RBFOX1: variants seen among roughly 807,000 people sequenced by gnomAD.
RBFOX1 encodes the protein RNA binding fox-1 homolog 1.
A neutral mutation model predicts 57.7 loss-of-function variants in RBFOX1; 8 were observed. The ratio of observed to expected loss-of-function variants is 0.14; its 90% confidence interval spans 0.08 to 0.25. The LOEUF (loss-of-function observed/expected upper bound fraction) is 0.25. RBFOX1 is among the 10% of genes least tolerant of loss of function. The pLI, the probability that RBFOX1 is intolerant of heterozygous loss-of-function variation, is 1.00. For synonymous variants in RBFOX1, 326 were observed against 222.4 expected (o/e 1.47, Z -4.15); for missense variants, 611 against 548.5 (o/e 1.11, Z -1.14).
intron 1 of RBFOX1, among the ~76,000 whole-genome samples, chr16:5,440,455 T>C (rs1279651390): frequency 6.6e-6 from 1 of 152,242 alleles, no homozygotes; most frequent in Non-Finnish European, 1.5e-5. Flanking sequence ...TGTTTTAGCC[T>C]CAGCCCAAAA....
At chr16:7,048,782 T>C (rs949823900) in intron 3 of RBFOX1, among the ~76,000 whole-genome samples, 5 of 152,196 alleles carry the variant, frequency 3.3e-5, no homozygotes, top group African/African-American at 1.2e-4. Context: ...GCTAAGTCAT[T>C]TTGGTTTGTA....
intron 2 of RBFOX1, among the ~76,000 whole-genome samples, chr16:6,643,850 G>T (rs1484533673): frequency 6.6e-6 from 1 of 151,880 alleles, no homozygotes; most frequent in Non-Finnish European, 1.5e-5. Flanking sequence ...ATAAGGCTGA[G>T]CACGCTGGGT....
chr16:5,518,910 G>C (rs2043903776), intron 2 of RBFOX1, among the ~76,000 whole-genome samples: 1 of 152,122 alleles, frequency 6.6e-6, no homozygotes, highest in African/African-American at 2.4e-5. Flanking sequence ...TAACCCCTGG[G>C]GGCATCAGAA....
At chr16:5,950,669 G>A (rs2059501260) in intron 4 of RBFOX1, among the ~76,000 whole-genome samples, 1 of 152,206 alleles carries the variant, frequency 6.6e-6, no homozygotes, top group Non-Finnish European at 1.5e-5. Context: ...ACCTGGCCAA[G>A]CTCTTCTTCC....
intron 11 of RBFOX1, among the ~76,000 whole-genome samples, chr16:7,644,029 T>G (rs377674918): frequency 5.1e-4 from 78 of 152,276 alleles, no homozygotes; most frequent in African/African-American, 1.9e-3. Flanking sequence ...TGTAGCAGCT[T>G]GTACAGGCAA....
intron 4 of RBFOX1, among the ~76,000 whole-genome samples, chr16:7,063,293 T>A (rs1213708849): frequency 6.6e-6 from 1 of 152,006 alleles, no homozygotes; most frequent in East Asian, 1.9e-4. Flanking sequence ...GAGTAAGATA[T>A]TCCCCCCAAC....
intron 3 of RBFOX1, among the ~76,000 whole-genome samples, chr16:5,634,608 A>G (rs987489176): frequency 6.6e-6 from 1 of 152,230 alleles, no homozygotes; most frequent in African/African-American, 2.4e-5. Flanking sequence ...ACTATTTCAG[A>G]TCATTTAAGC....
intron 1 of RBFOX1, among the ~76,000 whole-genome samples, chr16:5,294,257 A>G (rs1305423875): frequency 2.0e-5 from 3 of 152,076 alleles, no homozygotes; most frequent in Non-Finnish European, 2.9e-5. Flanking sequence ...ACACACACAC[A>G]AAGTCAAAAA....
intron 4 of RBFOX1, among the ~76,000 whole-genome samples, chr16:7,211,662 C>T (rs2091169013): frequency 6.6e-6 from 1 of 152,062 alleles, no homozygotes; most frequent in African/African-American, 2.4e-5. Context: ...AGAAAATGAA[C>T]AAGAATGTAA....
intron 1 of RBFOX1, among the ~76,000 whole-genome samples, chr16:6,105,471 A>G (rs913988621): frequency 6.6e-6 from 1 of 152,180 alleles, no homozygotes; most frequent in Non-Finnish European, 1.5e-5. Flanking sequence ...ATCTTAGCCT[A>G]TTTAAGACTG....
intron 3 of RBFOX1, among the ~76,000 whole-genome samples, chr16:5,606,063 G>A (rs2047566601): frequency 6.6e-6 from 1 of 152,132 alleles, no homozygotes; most frequent in Non-Finnish European, 1.5e-5. Flanking sequence ...GGTTGCCCGT[G>A]GCATGTCTCT....
At chr16:7,159,928 A>T (rs975134571) in intron 4 of RBFOX1, among the ~76,000 whole-genome samples, 2 of 152,192 alleles carry the variant, frequency 1.3e-5, no homozygotes, top group East Asian at 1.9e-4. Context: ...GCATTTTATT[A>T]TACCTTTGTT....
chr16:7,162,557 C>T (rs1019767098), intron 4 of RBFOX1, among the ~76,000 whole-genome samples: 1 of 143,852 alleles, frequency 7.0e-6, no homozygotes, highest in Non-Finnish European at 1.5e-5. Context: ...TGGTGAAACC[C>T]TGTCTCTACT....
At chr16:6,834,131 C>G (rs991836011) in intron 3 of RBFOX1, among the ~76,000 whole-genome samples, 2 of 151,866 alleles carry the variant, frequency 1.3e-5, no homozygotes, top group Non-Finnish European at 2.9e-5. Context: ...GTGGTGTGAT[C>G]TCATCCCACT....
At chr16:7,446,461 G>A (rs905482415) in intron 4 of RBFOX1, among the ~76,000 whole-genome samples, 4 of 152,196 alleles carry the variant, frequency 2.6e-5, no homozygotes, top group Admixed American at 6.5e-5. Context: ...TGTGGGGTGA[G>A]TGCTCACATT....
chr16:6,075,859 C>T (rs1400549394), intron 1 of RBFOX1, among the ~76,000 whole-genome samples: 1 of 152,210 alleles, frequency 6.6e-6, no homozygotes, highest in Non-Finnish European at 1.5e-5. Context: ...TATTCTGTGC[C>T]TGCCAGTCAC....
At chr16:7,360,530 G>A (rs1391782486) in intron 4 of RBFOX1, among the ~76,000 whole-genome samples, 1 of 152,180 alleles carries the variant, frequency 6.6e-6, no homozygotes, top group Admixed American at 6.5e-5. Context: ...AGAAAACCCA[G>A]GAAGGTAACG....
intron 1 of RBFOX1, among the ~76,000 whole-genome samples, chr16:5,434,882 C>G (rs1331541349): frequency 1.5e-5 from 2 of 135,858 alleles, no homozygotes; most frequent in African/African-American, 2.9e-5. Context: ...CATAGCATGT[C>G]TTGATTCCCC....
At chr16:5,920,732 G>A (rs543168164) in intron 4 of RBFOX1, among the ~76,000 whole-genome samples, 3 of 152,338 alleles carry the variant, frequency 2.0e-5, no homozygotes, top group African/African-American at 7.2e-5. Context: ...AGACAATGAT[G>A]TCGGTGTGGG....
Sources: gnomAD v4.1 joint callset for allele counts (sites outside exome capture counted in the v4.1 genomes callset) on GRCh38, gnomAD v4.1.1 for gene constraint, MANE v1.5 for transcripts, NCBI Gene and HGNC (gene_info 2026-07-23, HGNC 2026-07-21) for gene names.